SPAG16: variants seen among roughly 807,000 people sequenced by gnomAD.
The protein encoded by SPAG16 is sperm associated antigen 16.
SPAG16 carries 86 observed loss-of-function variants against 80.4 expected under a neutral mutation model. The ratio of observed to expected loss-of-function variants is 1.07; its 90% confidence interval spans 0.90 to 1.28. The LOEUF (loss-of-function observed/expected upper bound fraction) is 1.28, where lower values mean the gene tolerates loss of function less well. Among genes scored for constraint, SPAG16 ranks in the 50% most tolerant of loss-of-function variants. The probability of loss-of-function intolerance (pLI) is 0.00; values close to 1 mark genes in which losing one functional copy is unlikely to be tolerated. For synonymous variants in SPAG16, 294 were observed against 265.9 expected, an observed-to-expected ratio of 1.11 and a Z score of -1.03; for missense variants, 870 against 765.3, an observed-to-expected ratio of 1.14 and a Z score of -1.61.
chr2:214,180,860 C>T (rs11675472), intron 15 of SPAG16, among the ~76,000 whole-genome samples: 45,426 of 151,520 alleles, frequency 0.3, 8,492 homozygotes, highest in Non-Finnish European at 0.42. Context: ...CTAGATGCAA[C>T]GTGACCTTTA....
chr2:214,361,202 T>C (rs1371067198), intron 15 of SPAG16, among the ~76,000 whole-genome samples: 1 of 151,830 alleles, frequency 6.6e-6, no homozygotes, highest in Non-Finnish European at 1.5e-5. Flanking sequence ...TATATTGGGG[T>C]ATCATTTTAT....
intron 10 of SPAG16, among the ~76,000 whole-genome samples, chr2:213,711,794 A>G (rs2066001724): frequency 6.6e-6 from 1 of 152,120 alleles, no homozygotes; most frequent in Admixed American, 6.5e-5. Flanking sequence ...TGCTGGGATT[A>G]TAGGTGTGAG....
At chr2:213,434,061 C>G (rs2070473329) in intron 9 of SPAG16, among the ~76,000 whole-genome samples, 1 of 151,764 alleles carries the variant, frequency 6.6e-6, no homozygotes, top group Admixed American at 6.6e-5. Context: ...GCTGGGATTA[C>G]AGGCACCCGC....
intron 10 of SPAG16, among the ~76,000 whole-genome samples, chr2:213,827,166 G>T (rs1266475447): frequency 6.6e-6 from 1 of 151,886 alleles, no homozygotes; most frequent in Non-Finnish European, 1.5e-5. Context: ...TTTAATTGGA[G>T]AGTTTAGTCC....
chr2:213,449,883 G>A (rs1405871475), intron 9 of SPAG16, among the ~76,000 whole-genome samples: 1 of 152,186 alleles, frequency 6.6e-6, no homozygotes, highest in Admixed American at 6.5e-5. Context: ...ATTTCTACAT[G>A]TAGTTTCCAG....
chr2:213,495,146 T>A (rs764456962), intron 10 of SPAG16, among the ~76,000 whole-genome samples: 15 of 152,216 alleles, frequency 9.9e-5, no homozygotes, highest in Non-Finnish European at 1.6e-4. Context: ...CCAATCCAGT[T>A]TCCTCTTCTC....
At chr2:214,392,967 T>G (rs933980461) in intron 15 of SPAG16, among the ~76,000 whole-genome samples, 1 of 152,142 alleles carries the variant, frequency 6.6e-6, no homozygotes, top group Non-Finnish European at 1.5e-5. Context: ...TATTAAGAAA[T>G]ACTAGTGGAA....
chr2:213,460,366 G>A (rs1358205089), intron 9 of SPAG16, among the ~76,000 whole-genome samples: 1 of 152,210 alleles, frequency 6.6e-6, no homozygotes, highest in Non-Finnish European at 1.5e-5. Flanking sequence ...CATAGAACAA[G>A]TGTAATGCCA....
intron 10 of SPAG16, among the ~76,000 whole-genome samples, chr2:213,859,178 CAAAAAAAAAAAAAAAAAAAAAA>C (rs1165853142): frequency 1.1e-4 from 1 of 9,378 alleles, no homozygotes; most frequent in African/African-American, 4.9e-4. Flanking sequence ...CACTCCGTCT[CAAAAAAAAAAAAAAAAAAAAAA>C]AAAAAAAAAA....
intron 15 of SPAG16, among the ~76,000 whole-genome samples, chr2:214,363,990 G>A (rs1031695691): frequency 1.3e-5 from 2 of 151,992 alleles, no homozygotes; most frequent in Admixed American, 6.6e-5. Context: ...GACACAAGTG[G>A]CTCCGTTTTA....
In SPAG16 at chr2:213,930,099, G is replaced by T; in HGVS notation, c.1354G>T (p.Ala452Ser). Reference sequence around the variant, plus strand: ...ATGGCACTCCTGCGGCAATTTTGTGGCTTCCTCCTCACTGGATAAAACTAG... The same window carrying T: ...ATGGCACTCCTGCGGCAATTTTGTGTCTTCCTCCTCACTGGATAAAACTAG... The part of the protein sequence containing the change: ...CTWHSCGNFV[A>S]SSSLDKTSKI... Residue 452 changes from alanine to serine, a missense_variant, in exon 12 of 16, where the codon GCT (alanine) becomes TCT (serine). Ala to Ser is a moderately conservative substitution (Grantham distance 99). Coordinates refer to ENST00000331683, the MANE Select transcript of SPAG16 (RefSeq NM_024532.5). The T allele has an allele frequency of 1.9e-6, 3 of 1,613,956 alleles. No individual in the cohort carries two copies. The highest frequency in any genetic ancestry group is 2.5e-6 in the Non-Finnish European group (3 of 1,179,936).
chr2:213,321,128 C>A (rs13391569), intron 5 of SPAG16, among the ~76,000 whole-genome samples: 32,901 of 151,800 alleles, frequency 0.22, 4,400 homozygotes, highest in Non-Finnish European at 0.31. Flanking sequence ...AAATAGATAT[C>A]AAATACTTTT....
chr2:214,068,198 C>T (rs901599451), intron 13 of SPAG16, among the ~76,000 whole-genome samples: 6 of 151,992 alleles, frequency 3.9e-5, no homozygotes, highest in African/African-American at 1.2e-4. Flanking sequence ...AGAGATCATA[C>T]AAATATTGGG....
In SPAG16 at chr2:214,181,166, C is replaced by T. The variant is rs982277197; in HGVS notation, c.1720+31900C>T. Among the ~76,000 whole-genome samples, 9 of 151,694 alleles carry T rather than the reference C, an allele frequency of 5.9e-5. No homozygotes were observed. The South Asian group carries it at 8.3e-4, about 14-fold the overall frequency. ...AGTCAGAACATAGCTTAACAGAGAA[C>T]ATCTGAGAAGAAAGAGAAGCAATAA... On this transcript the variant is annotated intron_variant, in intron 15 of 15. Transcript: ENST00000331683.
At chr2:213,636,736 C>A (rs11489044) in intron 10 of SPAG16, among the ~76,000 whole-genome samples, 12,477 of 152,100 alleles carry the variant, frequency 0.082, 1,039 homozygotes, top group African/African-American at 0.21. Context: ...GGGTTCAGTT[C>A]TTGATTTGAT....
intron 10 of SPAG16, among the ~76,000 whole-genome samples, chr2:213,821,702 C>A (rs908441994): frequency 1.5e-4 from 23 of 152,170 alleles, no homozygotes; most frequent in African/African-American, 5.5e-4. Context: ...TCCCCCACAA[C>A]CACACTACCC....
chr2:213,731,218 G>A (rs536337489), intron 10 of SPAG16, among the ~76,000 whole-genome samples: 3 of 146,848 alleles, frequency 2.0e-5, no homozygotes, highest in East Asian at 4.1e-4. Flanking sequence ...GTGTAGTGGC[G>A]CGATCTCAGC....
chr2:213,711,820 C>T (rs967795968), intron 10 of SPAG16, among the ~76,000 whole-genome samples: 14 of 151,924 alleles, frequency 9.2e-5, no homozygotes, highest in Non-Finnish European at 1.3e-4. Context: ...ACGCCCGACC[C>T]GTTCTTACAA....
intron 10 of SPAG16, among the ~76,000 whole-genome samples, chr2:213,644,966 G>A (rs1205777321): frequency 6.6e-6 from 1 of 152,236 alleles, no homozygotes; most frequent in African/African-American, 2.4e-5. Flanking sequence ...CAGGCCCTGG[G>A]TGGTTCCAAA....
Sources: gnomAD v4.1 joint callset for allele counts (sites outside exome capture counted in the v4.1 genomes callset) on GRCh38, gnomAD v4.1.1 for gene constraint, MANE v1.5 for transcripts, NCBI Gene and HGNC (gene_info 2026-07-23, HGNC 2026-07-21) for gene names.